The following FN1 variants were observed in gnomAD, a reference collection of about 807,000 sequenced individuals.
The protein encoded by FN1 is fibronectin.
In FN1, 106 loss-of-function variants were observed where a neutral mutation model predicts 297.3. The observed-to-expected ratio is 0.36, with a 90% confidence interval of 0.30 to 0.42. FN1 has a LOEUF of 0.42. FN1 is among the 10% of genes least tolerant of loss of function. The pLI, the probability that FN1 is intolerant of heterozygous loss-of-function variation, is 1.00. For missense variants in FN1, 2,690 were observed against 3,124.9 expected, an observed-to-expected ratio of 0.86 and a Z score of 3.32; for synonymous variants, 1,149 against 1,152.6, an observed-to-expected ratio of 1.00 and a Z score of 0.06.
intron 27 of FN1, 69 bp downstream of exon 27, chr2:215,388,143 G>T: frequency 2.8e-6 from 3 of 1,072,432 alleles, no homozygotes; most frequent in Non-Finnish European, 2.9e-6. Context: ...TTTAGAAGTA[G>T]CATTTCATTT....
chr2:215,421,975 C>T (rs540743402), intron 10 of FN1, 116 bp downstream of exon 10: 123 of 968,822 alleles, frequency 1.3e-4, no homozygotes, highest in South Asian at 8.8e-4. Context: ...TAATGAATGA[C>T]GTGGCATTCC....
In FN1 at chr2:215,414,856, T is replaced by C; in HGVS notation, c.1922A>G (p.Tyr641Cys). Residue 641 changes from tyrosine to cysteine, a missense_variant, in exon 13 of 46, where the codon TAC becomes TGC. Around this residue, in one of 3 missense-constraint regions of FN1, gnomAD observed 876 missense variants for 1,058.1 expected, o/e 0.83. Coordinates refer to ENST00000354785, the MANE Select transcript of FN1 (RefSeq NM_212482.4). ...ACTCACAGGTCTCCACCTGAGAATG[T>C]ACTTGGAAATGTGAGATGGCTGTGG... Reference protein sequence around the residue: ...NAPQPSHISKYILRWRPKNSV... With the variant: ...NAPQPSHISKCILRWRPKNSV... 1 of 1,613,770 alleles carries C rather than the reference T, an allele frequency of 6.2e-7. No individual in the cohort carries two copies.
chr2:215,426,136 CT>C (rs1391299595), intron 6 of FN1, among the ~76,000 whole-genome samples: 3 of 116,690 alleles, frequency 2.6e-5, no homozygotes, highest in Non-Finnish European at 5.2e-5. Flanking sequence ...TTGATCTTTT[CT>C]TTTTTCTTTT....
At chr2:215,394,359 C>G (rs1417663012) in intron 24 of FN1, among the ~76,000 whole-genome samples, 169 bp downstream of exon 24, 2 of 152,214 alleles carry the variant, frequency 1.3e-5, no homozygotes, top group African/African-American at 2.4e-5. Context: ...TAACAGCAAG[C>G]ATTTGTCCAA....
intron 17 of FN1, 29 bp downstream of exon 17, chr2:215,408,079 G>A (rs753820366): frequency 2.6e-6 from 4 of 1,559,112 alleles, no homozygotes; most frequent in Non-Finnish European, 1.8e-6. Flanking sequence ...GATTAACATA[G>A]CAGCCAAAGA....
intron 42 of FN1, among the ~76,000 whole-genome samples, chr2:215,367,207 C>T (rs2106173494): frequency 6.6e-6 from 1 of 152,204 alleles, no homozygotes; most frequent in South Asian, 2.1e-4. Flanking sequence ...AAATTCTAAT[C>T]CTAATCTCAA....
Position 215,424,038 on chromosome 2 carries a change from G to A in FN1, c.1216+108C>T, listed in dbSNP as rs74461997. ...TCTTGAGTCCAAACTGAACAAAAGC[G>A]ATGCTTCTTGGGCGGGTTCAAAATA... On this transcript the variant is annotated intron_variant, in intron 8 of 45. Transcript: ENST00000354785. 2.2e-3 allele frequency: 2,426 copies of A among 1,114,316 alleles called. 29 individuals are homozygous for A. In the African/African-American group the frequency reaches 0.027, roughly 13 times the overall value. The allele number at this position is 1,114,316 out of a possible 1,614,324, so 69.0% of individuals were successfully genotyped here. A position where few individuals can be genotyped will look rare whatever the true frequency, so the allele number is the denominator to read the frequency against.
Position 215,361,581 on chromosome 2 carries a change from C to G in FN1, c.7408G>C (p.Ala2470Pro), listed in dbSNP as rs778366340. 1.1e-5 allele frequency: 18 copies of G among 1,611,820 alleles called. No individual in the cohort carries two copies. Among genetic ancestry groups the G allele is most frequent in the Admixed American group, 1.7e-5 (1 of 59,978 alleles). The change falls in exon 46 of 46, where the codon GCT (alanine) becomes CCT (proline). Residue 2470 changes from alanine (A) to proline (P), a missense_variant. Physicochemically the swap from Ala to Pro is conservative, Grantham distance 27. This residue lies in a region of FN1 where 1,743 missense variants were observed against 1,945.2 expected (regional missense o/e 0.90). Transcript: ENST00000354785. ...IECFMPLDVQ[A>P]DREDSRE is the part of the protein sequence containing the mutation. The stretch of plus-strand genomic sequence containing the variant: ...TACTCTCGGGAATCTTCTCTGTCAG[C>G]CTGTACATCTAAAGGCATGAAGCAC...
rs770425267 is a variant in FN1, at chr2:215,406,379, C to T, written c.2845G>A (p.Glu949Lys). 7 of 1,614,064 alleles carry T rather than the reference C, an allele frequency of 4.3e-6. No homozygotes were observed. The highest frequency in any genetic ancestry group is 2.7e-5 in the African/African-American group (2 of 74,930). Residue 949 changes from glutamate to lysine, a missense_variant, in exon 19 of 46, where the codon GAG becomes AAG. Around this residue, in one of 3 missense-constraint regions of FN1, gnomAD observed 1,743 missense variants for 1,945.2 expected, o/e 0.90. Coordinates refer to ENST00000354785, the MANE Select transcript of FN1 (RefSeq NM_212482.4). Reference sequence around the variant, plus strand: ...CTGATGGGCAGCCTCTGCCCGTGCTCGCCAGGCAGGTTGACGGGGATCACA... The same window carrying T: ...CTGATGGGCAGCCTCTGCCCGTGCTTGCCAGGCAGGTTGACGGGGATCACA... The part of the protein sequence containing the change: ...VDVIPVNLPG[E>K]HGQRLPISRN...
chr2:215,373,447 G>C, intron 38 of FN1, 36 bp from the exon 39 acceptor site: 3 of 1,549,388 alleles, frequency 1.9e-6, no homozygotes, highest in Non-Finnish European at 2.7e-6. Flanking sequence ...TTATGTCAAT[G>C]GGCTCAGCTA....
In FN1 at chr2:215,434,783, G is replaced by T. The variant is rs2067168589; in HGVS notation, c.190C>A (p.Gln64Lys). The part of the protein sequence containing the change: ...DNGKHYQINQ[Q>K]WERTYLGNAL... ...TTGCCTAGGTAGGTCCGCTCCCACT[G>T]TTGATTTATCTGATAGTGTTTTCCA... Residue 64 changes from glutamine to lysine, a missense_variant, in exon 2 of 46, where the codon CAG becomes AAG. This residue lies in a region of FN1 where 876 missense variants were observed against 1,058.1 expected (regional missense o/e 0.83). Coordinates refer to ENST00000354785, the MANE Select transcript of FN1 (RefSeq NM_212482.4). 5.0e-6 allele frequency: 8 copies of T among 1,613,794 alleles called. No individual in the cohort carries two copies. The South Asian group carries it at 7.7e-5, about 16-fold the overall frequency.
intron 38 of FN1, among the ~76,000 whole-genome samples, chr2:215,373,671 C>CTTTTTT (rs58966623): frequency 8.0e-6 from 1 of 125,450 alleles, no homozygotes; most frequent in African/African-American, 3.4e-5. Flanking sequence ...CCAGGGTATT[C>CTTTTTT]TTTTTTTTTT....
intron 14 of FN1, 39 bp downstream of exon 14, chr2:215,409,895 C>G: frequency 6.2e-7 from 1 of 1,612,290 alleles, no homozygotes; most frequent in Non-Finnish European, 8.5e-7. Context: ...GCTCTAGGAA[C>G]CTCGGGGGTA....
chr2:215,422,505 C>T (rs992082669), intron 9 of FN1, among the ~76,000 whole-genome samples: 5 of 152,186 alleles, frequency 3.3e-5, no homozygotes, highest in Admixed American at 6.6e-5. Flanking sequence ...AATATCTACA[C>T]ATCCACACAA....
intron 31 of FN1, 123 bp downstream of exon 31, chr2:215,383,205 G>T: frequency 1.1e-6 from 1 of 951,904 alleles, no homozygotes. Flanking sequence ...ACGGGGTTTC[G>T]CCATATTGGC....
In FN1 at chr2:215,370,323, C is replaced by T. The variant is rs6728999; in HGVS notation, c.6824G>A (p.Arg2275Gln). 9,808 of 1,613,828 alleles carry T rather than the reference C, an allele frequency of 6.1e-3. 496 individuals carry two copies. The African/African-American group carries it at 0.11, about 18-fold the overall frequency. Reference sequence around the variant, plus strand: ...GTTGCCCACGGTAACAACCTCTTCCCGAACCTTATGCCTCTGCTGGTCTTT... The same window carrying T: ...GTTGCCCACGGTAACAACCTCTTCCTGAACCTTATGCCTCTGCTGGTCTTT... The part of the protein sequence containing the change: ...ALKDQQRHKV[R>Q]EEVVTVGNSV... Residue 2275 changes from arginine to glutamine, a missense_variant, in exon 41 of 46, where the codon CGG becomes CAG. Around this residue, in one of 3 missense-constraint regions of FN1, gnomAD observed 1,743 missense variants for 1,945.2 expected, o/e 0.90. Coordinates refer to ENST00000354785, the MANE Select transcript of FN1 (RefSeq NM_212482.4).
rs758123879 is a variant in FN1 at position 215,409,974 on chromosome 2, G to C, written c.2082C>G (p.Arg694=). The part of the protein sequence containing the change: ...IQQYGHQEVT[R]FDFTTTSTST... ...TGGTGCTGGTGGTGGTGAAGTCAAA[G>C]CGAGTCACTTCTTGGTGGCCGTACT... is the stretch of plus-strand genomic sequence containing the variant. The change falls in exon 14 of 46, where the codon CGC becomes CGG. Residue 694 remains arginine (R), a synonymous_variant. Transcript: ENST00000354785. 6.2e-7 allele frequency: 1 copy of C among 1,613,960 alleles called. No homozygotes were observed. Among genetic ancestry groups the C allele is most frequent in the Non-Finnish European group, 8.5e-7 (1 of 1,180,010 alleles).
intron 17 of FN1, 139 bp downstream of exon 17, chr2:215,407,968 AC>A: frequency 3.1e-6 from 2 of 637,864 alleles, no homozygotes; most frequent in Non-Finnish European, 2.8e-6. Flanking sequence ...ACACACACAC[AC>A]ACACACACAC....
Position 215,430,711 on chromosome 2 carries a change from A to G in FN1, c.685+4T>C, listed in dbSNP as rs749784907. 2.5e-6 allele frequency: 4 copies of G among 1,613,990 alleles called. No homozygotes were observed. The highest frequency in any genetic ancestry group is 3.4e-6 in the Non-Finnish European group (4 of 1,179,858). ...AATCTTTAACATAAAGATGTAAAAC[A>G]TACTTCTAGAAGTGCAAGTGATGCG... On this transcript the variant is annotated splice_donor_region_variant and intron_variant, in intron 5 of 45. Coordinates refer to ENST00000354785, the MANE Select transcript of FN1 (RefSeq NM_212482.4).
Sources: allele counts gnomAD v4.1 joint callset (sites outside exome capture counted in the v4.1 genomes callset), GRCh38; gene constraint gnomAD v4.1.1; regional missense constraint gnomAD v4.1.1; transcripts MANE v1.5; gene names NCBI Gene and HGNC (gene_info 2026-07-23, HGNC 2026-07-21).